The following SCAPER variants were observed in gnomAD, a reference collection of about 807,000 sequenced individuals.
SCAPER encodes the protein S-phase cyclin A associated protein in the ER.
Under a neutral mutation model 182.2 loss-of-function variants are expected in SCAPER, and 98 were observed. The ratio of observed to expected loss-of-function variants is 0.54; its 90% CI spans 0.46 to 0.64. SCAPER has a LOEUF of 0.64. Ranked by LOEUF, SCAPER falls within the 30% of genes least tolerant of loss-of-function variation. SCAPER has a pLI of 0.00. For synonymous variants in SCAPER, 605 were observed against 564.6 expected (o/e 1.07, Z -1.01); for missense variants, 1,432 against 1,690.0 (o/e 0.85, Z 2.68).
chr15:76,554,902 C>T (rs961417987), intron 23 of SCAPER, among the ~76,000 whole-genome samples: 2 of 151,930 alleles, frequency 1.3e-5, no homozygotes, highest in African/African-American at 4.8e-5. Context: ...CTGCCTCAGC[C>T]TCCTGATAGC....
chr15:76,623,508 T>C (rs775941215), intron 21 of SCAPER, among the ~76,000 whole-genome samples: 10 of 152,272 alleles, frequency 6.6e-5, no homozygotes, highest in South Asian at 6.2e-4. Flanking sequence ...GGGGAGTCCT[T>C]TCTTCATTGC....
chr15:76,581,652 T>A (rs2048284645), intron 22 of SCAPER, among the ~76,000 whole-genome samples: 1 of 152,172 alleles, frequency 6.6e-6, no homozygotes, highest in Non-Finnish European at 1.5e-5. Context: ...AGTGGTGTGA[T>A]CTCAGCTCAC....
At chr15:76,627,755 C>T (rs562872222) in intron 21 of SCAPER, among the ~76,000 whole-genome samples, 4 of 152,062 alleles carry the variant, frequency 2.6e-5, no homozygotes, top group South Asian at 2.1e-4. Flanking sequence ...AATGAACATA[C>T]GCACACATGT....
chr15:76,642,531 C>T (rs1417204316), intron 21 of SCAPER, among the ~76,000 whole-genome samples: 1 of 152,148 alleles, frequency 6.6e-6, no homozygotes, highest in Non-Finnish European at 1.5e-5. Context: ...ATCTACAGTA[C>T]ACTGTAATAT....
At chr15:76,898,199 A>G (rs947293198) in intron 1 of SCAPER, among the ~76,000 whole-genome samples, 1 of 152,226 alleles carries the variant, frequency 6.6e-6, no homozygotes, top group East Asian at 1.9e-4. Flanking sequence ...CAAAGCCACA[A>G]TGAGACATAA....
intron 2 of SCAPER, among the ~76,000 whole-genome samples, chr15:76,879,903 TAGAC>T (rs1462077019): frequency 2.0e-5 from 3 of 152,198 alleles, no homozygotes; most frequent in Non-Finnish European, 4.4e-5. Flanking sequence ...TGTCTTCCAT[TAGAC>T]AGTAAGTTTC....
At chr15:76,377,022 C>T (rs879185705) in intron 28 of SCAPER, among the ~76,000 whole-genome samples, 5 of 151,934 alleles carry the variant, frequency 3.3e-5, no homozygotes, top group African/African-American at 4.8e-5. Flanking sequence ...ACAGACAGAG[C>T]GACAGGAGGG....
intron 21 of SCAPER, among the ~76,000 whole-genome samples, chr15:76,630,802 C>G (rs559369436): frequency 1.3e-5 from 2 of 152,282 alleles, no homozygotes; most frequent in Admixed American, 1.3e-4. Context: ...CTGTGGATAT[C>G]TATCAGGTCC....
At chr15:76,754,045 G>T in intron 14 of SCAPER, 97 bp from the exon 15 acceptor site, 1 of 1,331,106 alleles carries the variant, frequency 7.5e-7, no homozygotes, top group Non-Finnish European at 1.0e-6. Flanking sequence ...TAAACTCTAA[G>T]CGTGGAAAAA....
chr15:76,557,626 C>T (rs1255487605), intron 23 of SCAPER, among the ~76,000 whole-genome samples: 1 of 152,184 alleles, frequency 6.6e-6, no homozygotes, highest in African/African-American at 2.4e-5. Context: ...CTTTGCCTTC[C>T]ACCATGACTA....
rs1439171765 is a variant in SCAPER at position 76,672,967 on chromosome 15, TA to T, written c.2509-7179del. 4.6e-5 allele frequency among the ~76,000 whole-genome samples: 7 copies of T among 151,800 alleles called. No homozygotes were observed. The East Asian group carries it at 1.2e-3, about 25-fold the overall frequency. Reference sequence around the variant, plus strand: ...TAAAAAGAAAATTTATTTCAGCATTTAGGGGGAAAAAAAACAAGTCACTTAC... The same window carrying T: ...TAAAAAGAAAATTTATTTCAGCATTTGGGGGAAAAAAAACAAGTCACTTAC... On this transcript the variant is annotated intron_variant, in intron 20 of 31. Transcript: ENST00000563290.
At chr15:76,683,473 G>A (rs1027646190) in intron 20 of SCAPER, among the ~76,000 whole-genome samples, 1 of 152,044 alleles carries the variant, frequency 6.6e-6, no homozygotes, top group Non-Finnish European at 1.5e-5. Flanking sequence ...TGCAAATATG[G>A]AAAATATATC....
chr15:76,391,376 T>C (rs1354237492), intron 27 of SCAPER, among the ~76,000 whole-genome samples: 3 of 152,180 alleles, frequency 2.0e-5, no homozygotes, highest in Admixed American at 1.3e-4. Flanking sequence ...TTTTTCCCCA[T>C]TAGACTGTAA....
intron 26 of SCAPER, among the ~76,000 whole-genome samples, chr15:76,429,199 G>A (rs1475002995): frequency 1.3e-5 from 2 of 151,998 alleles, no homozygotes; most frequent in African/African-American, 4.8e-5. Context: ...CAGCCATCTG[G>A]AAATTTAAGT....
At chr15:76,735,693 G>A (rs1304681335) in intron 15 of SCAPER, among the ~76,000 whole-genome samples, 36 of 101,138 alleles carry the variant, frequency 3.6e-4, no homozygotes, top group Middle Eastern at 9.4e-3. Context: ...CAGAGACTCC[G>A]TCTCAAAAAA....
At chr15:76,416,289 A>G (rs2045639556) in intron 26 of SCAPER, among the ~76,000 whole-genome samples, 1 of 150,292 alleles carries the variant, frequency 6.7e-6, no homozygotes. Context: ...AGCTTGGCCA[A>G]TATGGTGAAA....
At chr15:76,673,989 A>ACACC (rs1387070676) in intron 20 of SCAPER, among the ~76,000 whole-genome samples, 13 of 143,428 alleles carry the variant, frequency 9.1e-5, no homozygotes, top group Non-Finnish European at 1.6e-4. Context: ...ACACACACAC[A>ACACC]CCCCAATCAG....
At chr15:76,481,574 A>C (rs1366449099) in intron 24 of SCAPER, among the ~76,000 whole-genome samples, 1 of 152,262 alleles carries the variant, frequency 6.6e-6, no homozygotes, top group Non-Finnish European at 1.5e-5. Context: ...ACACAAAAAT[A>C]TAGCTTAGTT....
intron 21 of SCAPER, among the ~76,000 whole-genome samples, chr15:76,630,309 T>A (rs1435684073): frequency 1.3e-5 from 2 of 152,192 alleles, no homozygotes; most frequent in Non-Finnish European, 1.5e-5. Flanking sequence ...TCAGTTCTGC[T>A]CTGAGCTTGG....
Sources: allele counts gnomAD v4.1 joint callset (sites outside exome capture counted in the v4.1 genomes callset), GRCh38; gene constraint gnomAD v4.1.1; transcripts MANE v1.5; gene names NCBI Gene and HGNC (gene_info 2026-07-23, HGNC 2026-07-21).